ZNF606: variants seen among roughly 807,000 people sequenced by gnomAD.
ZNF606 encodes the protein zinc finger protein 606.
Under a neutral mutation model 74.9 loss-of-function variants are expected in ZNF606, and 37 were observed. The observed-to-expected ratio is 0.49, with a 90% confidence interval of 0.38 to 0.65. ZNF606 has a LOEUF of 0.65. Ranked by LOEUF, ZNF606 falls within the 30% of genes least tolerant of loss-of-function variation. ZNF606 has a pLI of 0.00. For synonymous variants in ZNF606, 328 were observed against 312.4 expected (o/e 1.05, Z -0.53); for missense variants, 852 against 952.9 (o/e 0.89, Z 1.39).
Position 58,002,533 on chromosome 19 carries a change from CA to C in ZNF606, c.-190del, listed in dbSNP as rs2073452657. On this transcript the variant is annotated 5_prime_UTR_variant, in exon 1 of 7. Coordinates refer to ENST00000551380, the MANE Select transcript of ZNF606 (RefSeq NM_001348022.3). ...GGAGCTCCCGGCGCGGCCTCGGGGA[CA>C]AAGGCCCGCGGAGCCGACGTGCAGC... 2.3e-6 allele frequency: 1 copy of C among 427,358 alleles called. No individual in the cohort carries two copies. The highest frequency in any genetic ancestry group is 4.7e-6 in the Non-Finnish European group (1 of 213,574). The allele number at this position is 427,358 out of a possible 1,614,324, so 26.5% of individuals were successfully genotyped here.
intron 6 of ZNF606, among the ~76,000 whole-genome samples, chr19:57,983,578 C>CAA (rs143411161): frequency 1.7e-5 from 2 of 120,086 alleles, no homozygotes; most frequent in Non-Finnish European, 3.6e-5. Flanking sequence ...AACTCCGTCT[C>CAA]AAAAAAAAAA....
chr19:57,986,698 T>C (rs895484363), intron 6 of ZNF606, among the ~76,000 whole-genome samples: 2 of 152,122 alleles, frequency 1.3e-5, no homozygotes, highest in African/African-American at 4.8e-5. Flanking sequence ...CAAAACAGCA[T>C]AAAAGGAGGA....
intron 4 of ZNF606, among the ~76,000 whole-genome samples, chr19:57,996,721 GAA>G (rs1408359452): frequency 6.6e-6 from 1 of 152,142 alleles, no homozygotes. Flanking sequence ...GCTAAAGAGA[GAA>G]GAGTACTGCT....
At chr19:57,980,558 C>T (rs898012417) in intron 6 of ZNF606, among the ~76,000 whole-genome samples, 4 of 151,896 alleles carry the variant, frequency 2.6e-5, no homozygotes, top group Admixed American at 1.3e-4. Context: ...AGAAAGAGGC[C>T]GGACGAGGTG....
chr19:57,987,076 C>A (rs1430359263), intron 6 of ZNF606, among the ~76,000 whole-genome samples: 1 of 152,098 alleles, frequency 6.6e-6, no homozygotes, highest in Non-Finnish European at 1.5e-5. Flanking sequence ...GGCAGAAGAG[C>A]AAGACCTTGT....
At chr19:57,991,171 C>T (rs2073253284) in intron 4 of ZNF606, among the ~76,000 whole-genome samples, 1 of 152,122 alleles carries the variant, frequency 6.6e-6, no homozygotes, top group African/African-American at 2.4e-5. Flanking sequence ...TTTTCCTGTT[C>T]CTTGGTATTG....
rs753000676 is a variant in ZNF606, at chr19:57,979,203, A to G, written c.1477T>C (p.Phe493Leu). ...PYVCNECGKS[F>L]NWNSHLIGHQ... ...CCAATAAGATGAGAGTTCCAGTTGA[A>G]AGATTTCCCACACTCATTACAAACA... Residue 493 changes from phenylalanine (F) to leucine (L), a missense_variant, in exon 7 of 7, where the codon TTC becomes CTC. Phe to Leu is a conservative substitution (Grantham distance 22). Around this residue, in one of 3 missense-constraint regions of ZNF606, gnomAD observed 243 missense variants for 359.2 expected, o/e 0.68. Transcript: ENST00000551380. 6.2e-7 allele frequency: 1 copy of G among 1,613,816 alleles called. No individual in the cohort carries two copies. The highest frequency in any genetic ancestry group is 8.5e-7 in the Non-Finnish European group (1 of 1,179,912).
chr19:57,999,520 A>AGATCTC, intron 4 of ZNF606: 1 of 500,332 alleles, frequency 2.0e-6, no homozygotes, highest in South Asian at 3.8e-5. Flanking sequence ...ACATGAGTGA[A>AGATCTC]GGTGGCAATA....
chr19:57,982,922 C>T (rs75099453), intron 6 of ZNF606, among the ~76,000 whole-genome samples: 2,170 of 152,238 alleles, frequency 0.014, 62 homozygotes, highest in African/African-American at 0.048. Context: ...ACTGGGATTA[C>T]AAATGTGAAC....
chr19:57,995,099 G>A (rs1005111607), intron 4 of ZNF606, among the ~76,000 whole-genome samples: 2 of 150,528 alleles, frequency 1.3e-5, no homozygotes, highest in Admixed American at 6.6e-5. Flanking sequence ...GCTGAGGCAG[G>A]AGAATCACTT....
At position 57,977,543 on chromosome 19, in the gene ZNF606, ATTATAAT is replaced by A. The variant is rs1447668938; in HGVS notation, c.*751_*757del. The A allele has an allele frequency of 6.6e-6, 1 of 152,198 alleles. No individual in the cohort carries two copies. Among genetic ancestry groups the A allele is most frequent in the Admixed American group, 6.5e-5 (1 of 15,278 alleles). The allele number at this position is 152,198 out of a possible 1,614,324, so 9.4% of individuals were successfully genotyped here. A position where few individuals can be genotyped will look rare whatever the true frequency, so the allele number is the denominator to read the frequency against. On this transcript the variant is annotated 3_prime_UTR_variant, in exon 7 of 7. Coordinates refer to ENST00000551380, the MANE Select transcript of ZNF606 (RefSeq NM_001348022.3). ...TATGTATACTGATGCAGTGTCCATA[ATTATAAT>A]TTATAGTGATTGCCTAAAACAAATT...
At position 58,002,600 on chromosome 19, in the gene ZNF606, CCCGGAGGCGGGAGG is replaced by C. The variant is rs748608594; in HGVS notation, c.-270_-257del. On this transcript the variant is annotated 5_prime_UTR_variant, in exon 1 of 7. Coordinates refer to ENST00000551380, the MANE Select transcript of ZNF606 (RefSeq NM_001348022.3). ...CCGTCCGACCAGAAAACGAAGAACG[CCCGGAGGCGGGAGG>C]CCGGAGGCAGGCTGCTGGCTGGAGA... 7.3e-3 allele frequency: 3,243 copies of C among 446,194 alleles called. 80 individuals are homozygous for C. Among genetic ancestry groups the C allele is most frequent in the African/African-American group, 0.059 (2,928 of 49,468 alleles). The allele number at this position is 446,194 out of a possible 1,614,324, so 27.6% of individuals were successfully genotyped here.
chr19:57,978,654 C>G lies in ZNF606; in HGVS notation c.2026G>C (p.Gly676Arg). Residue 676 changes from glycine to arginine, a missense_variant, in exon 7 of 7, where the codon GGT becomes CGT. Around this residue, in one of 3 missense-constraint regions of ZNF606, gnomAD observed 243 missense variants for 359.2 expected, o/e 0.68. Transcript: ENST00000551380. The surrounding 1 kb of genome is among the most constrained non-coding windows in gnomAD (Gnocchi z 4.4). Reference sequence around the variant, plus strand: ...TGATTACATTTATAGGGTTTCTCACCAGTGTGAATTCTCCGATGAGCAACA... The same window carrying G: ...TGATTACATTTATAGGGTTTCTCACGAGTGTGAATTCTCCGATGAGCAACA... ...HLVAHRRIHTGEKPYKCNQCE... is the reference protein window; with the variant it reads ...HLVAHRRIHTREKPYKCNQCE... 6.2e-7 allele frequency: 1 copy of G among 1,614,002 alleles called. No individual in the cohort carries two copies. The highest frequency in any genetic ancestry group is 8.5e-7 in the Non-Finnish European group (1 of 1,180,026).
chr19:57,999,535 AGTGGGGCTGCCAGCC>A, intron 4 of ZNF606: 2 of 506,064 alleles, frequency 4.0e-6, no homozygotes, highest in Non-Finnish European at 3.5e-6. Context: ...GCAATAGAGA[AGTGGGGCTGCCAGCC>A]AAAAGGGCTG....
chr19:57,978,245 T>A lies in ZNF606; in HGVS notation c.*56A>T. 1 of 1,491,946 alleles carries A rather than the reference T, an allele frequency of 6.7e-7. No individual in the cohort carries two copies. Among genetic ancestry groups the A allele is most frequent in the Non-Finnish European group, 9.0e-7 (1 of 1,116,406 alleles). The allele number at this position is 1,491,946 out of a possible 1,614,324, so 92.4% of individuals were successfully genotyped here. Reference sequence around the variant, plus strand: ...AAATGTCCCCTCTTGATTATGTTTATAGGGTTTTCCTCAATGTGTTGTCAA... The same window carrying A: ...AAATGTCCCCTCTTGATTATGTTTAAAGGGTTTTCCTCAATGTGTTGTCAA... On this transcript the variant is annotated 3_prime_UTR_variant, in exon 7 of 7. Transcript: ENST00000551380. The surrounding 1 kb of genome is among the most constrained non-coding windows in gnomAD (Gnocchi z 4.4).
rs1297205633 is a variant in ZNF606 at position 57,988,138 on chromosome 19, C to T, written c.400+69G>A. Reference sequence around the variant, plus strand: ...ATCTGAGGAAGGTAACTCTTCATGGCCTTATCCCATTTCTCAACAAAGAGG... The same window carrying T: ...ATCTGAGGAAGGTAACTCTTCATGGTCTTATCCCATTTCTCAACAAAGAGG... On this transcript the variant is annotated intron_variant, in intron 6 of 6. Transcript: ENST00000551380. 6.1e-6 allele frequency: 8 copies of T among 1,304,832 alleles called. No individual in the cohort carries two copies. In the Admixed American group the frequency reaches 1.6e-4, roughly 27 times the overall value. The allele number at this position is 1,304,832 out of a possible 1,614,324, so 80.8% of individuals were successfully genotyped here. A position where few individuals can be genotyped will look rare whatever the true frequency, so the allele number is the denominator to read the frequency against.
chr19:57,993,525 T>A (rs758789713), intron 4 of ZNF606, among the ~76,000 whole-genome samples: 3 of 152,102 alleles, frequency 2.0e-5, no homozygotes, highest in Non-Finnish European at 2.9e-5. Flanking sequence ...AGCAGGTGCT[T>A]CCTGCAAGAG....
intron 6 of ZNF606, among the ~76,000 whole-genome samples, chr19:57,987,407 C>A (rs754074078): frequency 6.6e-6 from 1 of 151,986 alleles, no homozygotes; most frequent in African/African-American, 2.4e-5. Flanking sequence ...TAAAGCCCAG[C>A]TAAGTTTTTT....
intron 2 of ZNF606, 79 bp from the exon 3 acceptor site, chr19:58,000,818 C>G (rs906768241): frequency 7.5e-7 from 1 of 1,337,182 alleles, no homozygotes; most frequent in African/African-American, 1.5e-5. Context: ...GAGGCTGACT[C>G]GCTAATGGGC....
Sources: gnomAD v4.1 joint callset for allele counts (sites outside exome capture counted in the v4.1 genomes callset) on GRCh38, gnomAD v4.1.1 for gene constraint, gnomAD v4.1.1 regional missense constraint, Gnocchi (gnomAD v3.1) non-coding constraint, MANE v1.5 for transcripts, NCBI Gene and HGNC (gene_info 2026-07-23, HGNC 2026-07-21) for gene names.